Variants in RORB observed in about 807,000 individuals in gnomAD.
The protein encoded by RORB is RAR related orphan receptor B.
A neutral mutation model predicts 59.1 loss-of-function variants in RORB; 6 were observed. The observed-to-expected ratio is 0.10, with a 90% CI of 0.06 to 0.20. RORB has a LOEUF of 0.20. Ranked by LOEUF, RORB falls within the 10% of genes least tolerant of loss-of-function variation. RORB has a pLI of 1.00. For missense variants in RORB, 320 were observed against 560.5 expected (o/e 0.57, Z 4.33); for synonymous variants, 215 against 204.5 (o/e 1.05, Z -0.44).
rs542477810 is a variant in RORB, at chr9:74,659,093, A to C, written c.638-1524A>C. Among the ~76,000 whole-genome samples the C allele has an allele frequency of 2.4e-3, 367 of 152,336 alleles. 2 individuals carry two copies. The highest frequency in any genetic ancestry group is 8.3e-3 in the African/African-American group (347 of 41,578). ...CATATTGCTCCCCTGATGACAAACT[A>C]TGTAGACTGTCCTAATAAGGATAAC... On this transcript the variant is annotated intron_variant, in intron 4 of 9. Transcript: ENST00000376896.
At chr9:74,652,789 T>C (rs963963001) in intron 4 of RORB, among the ~76,000 whole-genome samples, 1 of 152,134 alleles carries the variant, frequency 6.6e-6, no homozygotes, top group Non-Finnish European at 1.5e-5. Context: ...TAATGAGTGG[T>C]TGGACCATGA....
chr9:74,545,332 A>G (rs1457050809), intron 1 of RORB, among the ~76,000 whole-genome samples: 1 of 152,112 alleles, frequency 6.6e-6, no homozygotes, highest in Admixed American at 6.5e-5. Flanking sequence ...TTGGAGTAAG[A>G]TTGCGGTGCC....
chr9:74,530,528 G>A (rs1826221907), intron 1 of RORB, among the ~76,000 whole-genome samples: 2 of 152,136 alleles, frequency 1.3e-5, no homozygotes, highest in South Asian at 4.1e-4. Context: ...TGACATTTAT[G>A]CTGATAACCA....
intron 1 of RORB, among the ~76,000 whole-genome samples, chr9:74,619,923 T>G (rs942931537): frequency 1.3e-5 from 2 of 152,200 alleles, no homozygotes; most frequent in African/African-American, 4.8e-5. Context: ...CTTTTTGATG[T>G]GCTGCTGGAT....
chr9:74,548,258 C>G (rs2118153097), intron 1 of RORB, among the ~76,000 whole-genome samples: 1 of 152,274 alleles, frequency 6.6e-6, no homozygotes, highest in African/African-American at 2.4e-5. Flanking sequence ...ATCACCTTCT[C>G]TTATCCTAGA....
At chr9:74,542,887 T>A (rs963557661) in intron 1 of RORB, among the ~76,000 whole-genome samples, 2 of 152,194 alleles carry the variant, frequency 1.3e-5, no homozygotes, top group Non-Finnish European at 2.9e-5. Context: ...ATAGCCTATC[T>A]TTGTAGTGCC....
At chr9:74,564,605 C>G (rs1337745774) in intron 1 of RORB, among the ~76,000 whole-genome samples, 2 of 152,182 alleles carry the variant, frequency 1.3e-5, no homozygotes, top group African/African-American at 4.8e-5. Context: ...TTTCTGCAGT[C>G]ATTACTTTGT....
In RORB at chr9:74,498,336, A is replaced by T. The variant is rs1209481891; in HGVS notation, c.7+353A>T. ...AAAGCCGAAAGAGGGATGCCTCTGG[A>T]CAGGAGCAGTTTGGAAGCGCCCGGC... On this transcript the variant is annotated intron_variant, in intron 1 of 9. Transcript: ENST00000376896. 1.8e-5 allele frequency: 5 copies of T among 283,916 alleles called. No individual in the cohort carries two copies. In the East Asian group the frequency reaches 3.2e-4, roughly 18 times the overall value. The allele number at this position is 283,916 out of a possible 1,614,324, so 17.6% of individuals were successfully genotyped here.
intron 1 of RORB, among the ~76,000 whole-genome samples, chr9:74,512,804 C>A (rs570640510): frequency 6.6e-6 from 1 of 152,202 alleles, no homozygotes; most frequent in South Asian, 2.1e-4. Context: ...TCTGCCTCCC[C>A]CTTTACAATA....
chr9:74,659,906 C>T (rs2118509073), intron 4 of RORB, among the ~76,000 whole-genome samples: 1 of 152,060 alleles, frequency 6.6e-6, no homozygotes, highest in East Asian at 1.9e-4. Flanking sequence ...CATTTTTAAA[C>T]TTTTTAAAAG....
chr9:74,584,196 C>T (rs1248243375), intron 1 of RORB, among the ~76,000 whole-genome samples: 2 of 152,136 alleles, frequency 1.3e-5, no homozygotes, highest in Non-Finnish European at 2.9e-5. Context: ...ATTCCCTGTG[C>T]GGTCTTACCA....
intron 1 of RORB, among the ~76,000 whole-genome samples, chr9:74,598,028 T>C (rs1822997651): frequency 6.6e-6 from 1 of 152,162 alleles, no homozygotes; most frequent in African/African-American, 2.4e-5. Context: ...TTAAATAAAA[T>C]ATATTAATGA....
chr9:74,664,820 G>A (rs1463096822), intron 6 of RORB, among the ~76,000 whole-genome samples: 3 of 152,234 alleles, frequency 2.0e-5, no homozygotes, highest in African/African-American at 7.2e-5. Flanking sequence ...GAGTCTGGCT[G>A]TTAACTTCAA....
At chr9:74,502,981 C>T (rs1408290593) in intron 1 of RORB, among the ~76,000 whole-genome samples, 1 of 151,938 alleles carries the variant, frequency 6.6e-6, no homozygotes, top group African/African-American at 2.4e-5. Flanking sequence ...TACTGGCATT[C>T]ATTTAATTAA....
chr9:74,642,476 C>T lies in RORB; in HGVS notation c.298C>T (p.His100Tyr). Reference sequence around the variant, plus strand: ...CAGCCTGTATGCTGAGGTGCAGAAGCACCAGCAGCGGCTGCAGGAACAGCG... The same window carrying T: ...CAGCCTGTATGCTGAGGTGCAGAAGTACCAGCAGCGGCTGCAGGAACAGCG... Reference protein sequence around the residue: ...RDSLYAEVQKHQQRLQEQRQQ... With the variant: ...RDSLYAEVQKYQQRLQEQRQQ... Residue 100 changes from histidine to tyrosine, a missense_variant, in exon 4 of 10, where the codon CAC (histidine) becomes TAC (tyrosine). Physicochemically the swap from His to Tyr is moderately conservative, Grantham distance 83 (BLOSUM62 2). Transcript: ENST00000376896. The T allele has an allele frequency of 6.2e-7, 1 of 1,614,134 alleles. No homozygotes were observed. The highest frequency in any genetic ancestry group is 1.1e-5 in the South Asian group (1 of 91,088).
At chr9:74,613,937 A>G (rs957668452) in intron 1 of RORB, among the ~76,000 whole-genome samples, 1 of 152,190 alleles carries the variant, frequency 6.6e-6, no homozygotes, top group African/African-American at 2.4e-5. Flanking sequence ...GTAGTATTTC[A>G]TGGTATATGT....
intron 1 of RORB, among the ~76,000 whole-genome samples, chr9:74,504,092 A>G (rs1213982607): frequency 6.6e-6 from 1 of 152,024 alleles, no homozygotes; most frequent in African/African-American, 2.4e-5. Flanking sequence ...AACCTCTAAA[A>G]TATACCTACG....
At chr9:74,626,857 T>C (rs960714227) in intron 1 of RORB, among the ~76,000 whole-genome samples, 5 of 152,226 alleles carry the variant, frequency 3.3e-5, no homozygotes, top group African/African-American at 1.2e-4. Flanking sequence ...GTCTGGAAGA[T>C]GTGCTTTATA....
chr9:74,594,944 T>C (rs1391022883), intron 1 of RORB, among the ~76,000 whole-genome samples: 1 of 152,188 alleles, frequency 6.6e-6, no homozygotes, highest in Non-Finnish European at 1.5e-5. Context: ...TCTGTGCCAT[T>C]GATTATTCTA....
Sources: gnomAD v4.1 joint callset for allele counts (sites outside exome capture counted in the v4.1 genomes callset) on GRCh38, gnomAD v4.1.1 for gene constraint, MANE v1.5 for transcripts, NCBI Gene and HGNC (gene_info 2026-07-23, HGNC 2026-07-21) for gene names.